Variants in TBL1Y observed in about 807,000 individuals in gnomAD.
The protein encoded by TBL1Y is F-box-like/WD repeat-containing protein TBL1Y.
TBL1Y carries 15 observed loss-of-function variants against 12.0 expected under a neutral mutation model. The observed-to-expected ratio is 1.25, with a 90% CI of 0.83 to 1.92. The LOEUF is 1.92. Ranked by LOEUF, TBL1Y falls within the 40% of genes most tolerant of loss-of-function variation. The pLI is 0.00. For missense variants in TBL1Y, 148 were observed against 116.7 expected (o/e 1.27, Z -1.24); for synonymous variants, 53 against 42.6 (o/e 1.24, Z -0.95).
At chrY:7,011,103 G>C in intron 4 of TBL1Y, among the ~76,000 whole-genome samples, 1 of 33,977 alleles carries the variant, frequency 2.9e-5, no homozygotes, top group Non-Finnish European at 7.3e-5. Context: ...GACTTGCAAA[G>C]AGTTAGAAGA....
intron 3 of TBL1Y, among the ~76,000 whole-genome samples, chrY:6,989,087 G>A: frequency 3.0e-5 from 1 of 33,003 alleles, no homozygotes; most frequent in African/African-American, 1.2e-4. Context: ...AGGCATGGTG[G>A]TAGATGCCTG....
At chrY:6,991,763 C>G in intron 3 of TBL1Y, among the ~76,000 whole-genome samples, 1 of 33,736 alleles carries the variant, frequency 3.0e-5, no homozygotes, top group Non-Finnish European at 7.3e-5. Context: ...TTTTGGTGGG[C>G]CTATGAAACT....
chrY:7,010,043 A>C (rs2012508700), intron 4 of TBL1Y, among the ~76,000 whole-genome samples: 22 of 31,082 alleles, frequency 7.1e-4, no homozygotes, highest in Non-Finnish European at 1.3e-3. Context: ...AAAAAAAAAA[A>C]AAAAAACCAA....
chrY:6,921,260 T>C (rs1603025071), intron 2 of TBL1Y, among the ~76,000 whole-genome samples: 1 of 32,625 alleles, frequency 3.1e-5, no homozygotes, highest in African/African-American at 1.2e-4. Flanking sequence ...GATGTTCAAG[T>C]AGATAACTTC....
At chrY:7,038,112 T>C in intron 6 of TBL1Y, among the ~76,000 whole-genome samples, 1 of 33,387 alleles carries the variant, frequency 3.0e-5, no homozygotes, top group African/African-American at 1.2e-4. Flanking sequence ...AAACAAAGTA[T>C]GTACTTGGCT....
chrY:6,941,476 C>T (rs2011951833), intron 2 of TBL1Y, among the ~76,000 whole-genome samples: 5 of 33,202 alleles, frequency 1.5e-4, no homozygotes, highest in Admixed American at 1.4e-3. Context: ...AGCGAGATTG[C>T]GCCACTGCAT....
At chrY:6,967,709 T>G in intron 2 of TBL1Y, among the ~76,000 whole-genome samples, 1 of 34,021 alleles carries the variant, frequency 2.9e-5, no homozygotes, top group Non-Finnish European at 7.4e-5. Flanking sequence ...TTTTTTCTTT[T>G]GAGACAGAGT....
chrY:7,088,888 C>T (rs2124193868), intron 17 of TBL1Y, among the ~76,000 whole-genome samples: 2 of 33,944 alleles, frequency 5.9e-5, no homozygotes, highest in Admixed American at 2.7e-4. Context: ...GGTTTTGAGA[C>T]AGCCCTCCTG....
chrY:6,939,436 G>A (rs2011928812), intron 2 of TBL1Y, among the ~76,000 whole-genome samples: 3 of 33,027 alleles, frequency 9.1e-5, no homozygotes, highest in African/African-American at 1.2e-4. Context: ...CCCAGCTGGC[G>A]TCACCACTCA....
intron 4 of TBL1Y, among the ~76,000 whole-genome samples, chrY:6,997,310 G>A (rs2012418005): frequency 3.1e-5 from 1 of 32,614 alleles, no homozygotes; most frequent in Admixed American, 2.8e-4. Context: ...CAGCTACTTG[G>A]GAGGCTGAGG....
At chrY:6,971,350 A>G in intron 2 of TBL1Y, among the ~76,000 whole-genome samples, 1 of 33,016 alleles carries the variant, frequency 3.0e-5, no homozygotes, top group East Asian at 7.9e-4. Context: ...AAAAGAATGT[A>G]TAGAGTGAGT....
At chrY:6,968,936 G>A (rs748379144) in intron 2 of TBL1Y, among the ~76,000 whole-genome samples, 1 of 32,714 alleles carries the variant, frequency 3.1e-5, no homozygotes, top group South Asian at 6.9e-4. Context: ...TCTTTGGGGA[G>A]AAGTGAAGGC....
rs963741815 is a variant in TBL1Y at position 6,958,361 on chromosome Y, A to G, written c.-265-19852A>G. Among the ~76,000 whole-genome samples, 5 of 33,420 alleles carry G rather than the reference A, an allele frequency of 1.5e-4. No individual in the cohort carries two copies. In the East Asian group the frequency reaches 3.2e-3, roughly 22 times the overall value. 89.7% of individuals were successfully genotyped at this position (33,420 alleles called of 37,273 possible). On this transcript the variant is annotated intron_variant, in intron 2 of 18. Coordinates refer to ENST00000383032, the MANE Select transcript of TBL1Y (RefSeq NM_033284.2). ...AGAACTGAACCAAGACATGTTAAGGAAGTTTGAAGAAAGAACTGTAAAAAT... is the reference window on the plus strand; with the variant it reads ...AGAACTGAACCAAGACATGTTAAGGGAGTTTGAAGAAAGAACTGTAAAAAT...
At chrY:7,050,828 TACAC>T (rs1404234228) in intron 7 of TBL1Y, among the ~76,000 whole-genome samples, 54 of 18,051 alleles carry the variant, frequency 3.0e-3, no homozygotes, top group South Asian at 7.9e-3. Context: ...ACATCATGGA[TACAC>T]ACACACACAC....
At chrY:6,919,697 G>T (rs2011763108) in intron 2 of TBL1Y, 1 of 33,476 alleles carries the variant, frequency 3.0e-5, no homozygotes, top group African/African-American at 1.2e-4. Context: ...CCACATCCCT[G>T]CACTTCTCAA....
chrY:7,015,872 C>A, intron 4 of TBL1Y, among the ~76,000 whole-genome samples: 2 of 33,954 alleles, frequency 5.9e-5, no homozygotes, highest in Admixed American at 5.3e-4. Flanking sequence ...CTTAATCAAT[C>A]TCCAGTTGAT....
At chrY:7,022,084 A>G in intron 5 of TBL1Y, among the ~76,000 whole-genome samples, 2 of 33,035 alleles carry the variant, frequency 6.1e-5, no homozygotes, top group African/African-American at 1.2e-4. Flanking sequence ...AAACAGTTCT[A>G]TGTGGCCAGG....
intron 8 of TBL1Y, among the ~76,000 whole-genome samples, chrY:7,064,770 T>G (rs2012962611): frequency 3.0e-5 from 1 of 33,270 alleles, no homozygotes; most frequent in Admixed American, 2.7e-4. Flanking sequence ...AATGGTGCAC[T>G]AGTGGGTGGG....
chrY:6,912,998 A>G (rs2011709002), intron 2 of TBL1Y, among the ~76,000 whole-genome samples: 1 of 32,591 alleles, frequency 3.1e-5, no homozygotes, highest in Non-Finnish European at 7.5e-5. Context: ...TAAAAAATAC[A>G]TTGATCTACT....
Sources: gnomAD v4.1 joint callset for allele counts (sites outside exome capture counted in the v4.1 genomes callset) on GRCh38, gnomAD v4.1.1 for gene constraint, MANE v1.5 for transcripts, NCBI Gene and HGNC (gene_info 2026-07-23, HGNC 2026-07-21) for gene names.